ADAMTS20: variants seen among roughly 807,000 people sequenced by gnomAD.
ADAMTS20 encodes the protein ADAM metallopeptidase with thrombospondin type 1 motif 20, also known as A disintegrin and metalloproteinase with thrombospondin motifs 20.
A neutral mutation model predicts 260.1 loss-of-function variants in ADAMTS20; 225 were observed. That is an observed-to-expected ratio of 0.87 (90% CI 0.78 to 0.97). The LOEUF (loss-of-function observed/expected upper bound fraction) is 0.97. Among genes scored for constraint, ADAMTS20 ranks in the 50% least tolerant of loss-of-function variants. The pLI is 0.00. For synonymous variants in ADAMTS20, 802 were observed against 769.5 expected (o/e 1.04, Z -0.70); for missense variants, 2,400 against 2,337.7 (o/e 1.03, Z -0.55).
At chr12:43,451,180 A>T (rs1941857962) in intron 14 of ADAMTS20, among the ~76,000 whole-genome samples, 1 of 152,184 alleles carries the variant, frequency 6.6e-6, no homozygotes, top group Non-Finnish European at 1.5e-5. Context: ...GCCAGACACC[A>T]AAAATCAAAT....
chr12:43,440,181 T>A, intron 16 of ADAMTS20, 112 bp from the exon 17 acceptor site: 1 of 786,290 alleles, frequency 1.3e-6, no homozygotes, highest in Non-Finnish European at 1.9e-6. Flanking sequence ...TCTTGCTGTA[T>A]CTCCCAGGCT....
At position 43,471,698 on chromosome 12, in the gene ADAMTS20, A is replaced by C. The variant is rs1220753971; in HGVS notation, c.1118-2993T>G. Among the ~76,000 whole-genome samples the C allele has an allele frequency of 3.5e-5, 5 of 141,858 alleles. No homozygotes were observed. In the Admixed American group the frequency reaches 3.6e-4, roughly 10 times the overall value. 93.1% of individuals were successfully genotyped at this position (141,858 alleles called of 152,430 possible). A position where few individuals can be genotyped will look rare whatever the true frequency, so the allele number is the denominator to read the frequency against. ...TGACCCCTGACCCCCGAGCAGCCTA[A>C]CTGGGAGGCACCCCCCAGCAGGGGC... On this transcript the variant is annotated intron_variant, in intron 7 of 38. Transcript: ENST00000389420.
chr12:43,440,206 C>A (rs1438563951), intron 16 of ADAMTS20, 137 bp from the exon 17 acceptor site: 2 of 644,684 alleles, frequency 3.1e-6, no homozygotes, highest in African/African-American at 4.0e-5. Context: ...TACAGTGGCA[C>A]AATATTGGCT....
chr12:43,463,017 G>A lies in ADAMTS20; in HGVS notation c.1510-18C>T, dbSNP rs1300023899. 4 of 1,565,670 alleles carry A rather than the reference G, an allele frequency of 2.6e-6. No homozygotes were observed. In the African/African-American group the frequency reaches 4.0e-5, roughly 16 times the overall value. ...CATATATTCTCCTGAGTAACAAAAG[G>A]CAGGCAAGCCAGTGTAAAGATAACA... On this transcript the variant is annotated intron_variant, in intron 10 of 38. Coordinates refer to ENST00000389420, the MANE Select transcript of ADAMTS20 (RefSeq NM_025003.5).
At chr12:43,539,922 C>T (rs556019813) in intron 2 of ADAMTS20, among the ~76,000 whole-genome samples, 15 of 149,400 alleles carry the variant, frequency 1.0e-4, no homozygotes, top group South Asian at 2.1e-4. Flanking sequence ...CTCACTCTAT[C>T]GCCAGGCTGG....
At chr12:43,446,511 CA>C in intron 15 of ADAMTS20, 83 bp downstream of exon 15, 1 of 1,043,044 alleles carries the variant, frequency 9.6e-7, no homozygotes, top group Non-Finnish European at 1.4e-6. Context: ...AAAACAGTAA[CA>C]AAGAATTACT....
At chr12:43,486,190 A>G (rs1439330933) in intron 7 of ADAMTS20, among the ~76,000 whole-genome samples, 3 of 152,204 alleles carry the variant, frequency 2.0e-5, no homozygotes, top group Admixed American at 6.5e-5. Flanking sequence ...CTACAAGGCT[A>G]TAGTAACCAA....
chr12:43,365,330 AAAGTT>A (rs1939960603), intron 37 of ADAMTS20, among the ~76,000 whole-genome samples: 1 of 152,100 alleles, frequency 6.6e-6, no homozygotes, highest in Admixed American at 6.6e-5. Flanking sequence ...GAGTGCTGAT[AAAGTT>A]AATTATGTAG....
chr12:43,449,326 C>G (rs1735971180), intron 14 of ADAMTS20, among the ~76,000 whole-genome samples: 1 of 152,084 alleles, frequency 6.6e-6, no homozygotes. Flanking sequence ...AAAATGACGT[C>G]TTTTACAGGA....
chr12:43,495,564 A>G (rs1176180119), intron 4 of ADAMTS20, among the ~76,000 whole-genome samples: 1 of 152,190 alleles, frequency 6.6e-6, no homozygotes, highest in Non-Finnish European at 1.5e-5. Context: ...TTTCAAGTTA[A>G]TTATCACAGT....
intron 37 of ADAMTS20, among the ~76,000 whole-genome samples, chr12:43,357,198 A>G (rs7958837): frequency 0.25 from 37,911 of 152,142 alleles, 5,334 homozygotes; most frequent in African/African-American, 0.38. Context: ...TTATTAAAAT[A>G]GGTAACATTT....
At chr12:43,374,148 A>G (rs1220874847) in intron 36 of ADAMTS20, among the ~76,000 whole-genome samples, 1 of 152,134 alleles carries the variant, frequency 6.6e-6, no homozygotes, top group Admixed American at 6.5e-5. Flanking sequence ...TTACACCCAG[A>G]CAGTCTAGAG....
At chr12:43,498,058 C>T (rs7308254) in intron 4 of ADAMTS20, among the ~76,000 whole-genome samples, 17,526 of 152,048 alleles carry the variant, frequency 0.12, 1,136 homozygotes, top group Admixed American at 0.21. Flanking sequence ...TGTTGTCACC[C>T]AAATTCCCTA....
At chr12:43,455,017 C>T (rs1941939051) in intron 11 of ADAMTS20, among the ~76,000 whole-genome samples, 1 of 152,150 alleles carries the variant, frequency 6.6e-6, no homozygotes, top group Non-Finnish European at 1.5e-5. Flanking sequence ...TCTTGCAAAA[C>T]TGAAGCCCTA....
chr12:43,476,152 AAAAC>A (rs1277279023), intron 7 of ADAMTS20, among the ~76,000 whole-genome samples: 1 of 67,868 alleles, frequency 1.5e-5, no homozygotes, highest in Non-Finnish European at 2.8e-5. Context: ...TTACAAGAAA[AAAAC>A]AAACAACCCC....
At chr12:43,382,828 A>G (rs1184949138) in intron 31 of ADAMTS20, among the ~76,000 whole-genome samples, 1 of 86,926 alleles carries the variant, frequency 1.2e-5, no homozygotes, top group Non-Finnish European at 2.3e-5. Context: ...TGGCTTAGAT[A>G]AAAAAACAGA....
chr12:43,477,630 C>G (rs1038323773), intron 7 of ADAMTS20, among the ~76,000 whole-genome samples: 1 of 152,180 alleles, frequency 6.6e-6, no homozygotes, highest in African/African-American at 2.4e-5. Flanking sequence ...CATATGCACT[C>G]TCTCTCTCTT....
chr12:43,380,034 G>A (rs1010980819), intron 31 of ADAMTS20, among the ~76,000 whole-genome samples: 3 of 150,202 alleles, frequency 2.0e-5, no homozygotes, highest in Admixed American at 6.6e-5. Context: ...TAGATGTAAA[G>A]TTCTACAACA....
chr12:43,354,136 G>T lies in ADAMTS20; in HGVS notation c.*73C>A, dbSNP rs530601356. The T allele has an allele frequency of 1.7e-6, 2 of 1,168,680 alleles. No individual in the cohort carries two copies. The highest frequency in any genetic ancestry group is 2.7e-5 in the East Asian group (1 of 37,100). 72.4% of individuals were successfully genotyped at this position (1,168,680 alleles called of 1,614,324 possible). A position where few individuals can be genotyped will look rare whatever the true frequency, so the allele number is the denominator to read the frequency against. On this transcript the variant is annotated 3_prime_UTR_variant, in exon 39 of 39. Transcript: ENST00000389420. ...GAAATCTCGGGAAGGGAGATATAAA[G>T]AAATGAGCACCAGTTATTTGAATAT...
Sources: gnomAD v4.1 joint callset for allele counts (sites outside exome capture counted in the v4.1 genomes callset) on GRCh38, gnomAD v4.1.1 for gene constraint, MANE v1.5 for transcripts, NCBI Gene and HGNC (gene_info 2026-07-23, HGNC 2026-07-21) for gene names.